PNPLA7: variants seen among roughly 807,000 people sequenced by gnomAD.
The protein encoded by PNPLA7 is patatin-like phospholipase domain-containing protein 7.
In PNPLA7, 153 loss-of-function variants were observed where a neutral mutation model predicts 161.7. The observed-to-expected ratio is 0.95, with a 90% CI of 0.83 to 1.08. The LOEUF (loss-of-function observed/expected upper bound fraction) is 1.08, where lower values mean the gene tolerates loss of function less well. Among genes scored for constraint, PNPLA7 ranks in the 50% least tolerant of loss-of-function variants. The pLI, the probability that PNPLA7 is intolerant of heterozygous loss-of-function variation, is 0.00. For missense variants in PNPLA7, 1,739 were observed against 1,856.6 expected (o/e 0.94, Z 1.16); for synonymous variants, 809 against 782.1 (o/e 1.03, Z -0.57).
chr9:137,478,942 G>C, intron 24 of PNPLA7, 114 bp downstream of exon 24: 1 of 1,313,698 alleles, frequency 7.6e-7, no homozygotes, highest in Non-Finnish European at 1.0e-6. Context: ...AGCACAGGAA[G>C]GGCCCAGGAG....
At chr9:137,461,476 C>A in intron 33 of PNPLA7, 60 bp downstream of exon 33, 1 of 1,517,802 alleles carries the variant, frequency 6.6e-7, no homozygotes, top group Non-Finnish European at 9.0e-7. Flanking sequence ...GGGTTCAAGC[C>A]CAACACAGCA....
intron 12 of PNPLA7, among the ~76,000 whole-genome samples, chr9:137,510,035 C>T (rs1834133944): frequency 1.3e-5 from 2 of 152,126 alleles, no homozygotes; most frequent in South Asian, 2.1e-4. Flanking sequence ...GACAAGAGTG[C>T]GAGCCTTCTG....
chr9:137,480,293 C>A lies in PNPLA7; in HGVS notation c.2580+19G>T, dbSNP rs367778122. 7 of 1,607,088 alleles carry A rather than the reference C, an allele frequency of 4.4e-6. No individual in the cohort carries two copies. Among genetic ancestry groups the A allele is most frequent in the Non-Finnish European group, 5.9e-6 (7 of 1,178,284 alleles). On this transcript the variant is annotated intron_variant, in intron 23 of 34. Coordinates refer to ENST00000406427, the MANE Select transcript of PNPLA7 (RefSeq NM_001098537.3). ...AAGAGAGGGCTCTCCCCAGCTCCAC[C>A]GGCCCTCCCCGTGCTCACCTCGCCC...
chr9:137,498,049 C>A, intron 17 of PNPLA7, 65 bp downstream of exon 17: 2 of 1,575,228 alleles, frequency 1.3e-6, no homozygotes, highest in East Asian at 2.3e-5. Context: ...CCGTGCTTTG[C>A]CCATCCCCAG....
At chr9:137,482,896 G>T (rs950905318) in intron 21 of PNPLA7, among the ~76,000 whole-genome samples, 1 of 152,124 alleles carries the variant, frequency 6.6e-6, no homozygotes, top group South Asian at 2.1e-4. Flanking sequence ...GTTTTGACAC[G>T]GAGTCTTACT....
In PNPLA7 at chr9:137,500,840, G is replaced by C. The variant is rs563010262; in HGVS notation, c.1608C>G (p.Ile536Met). The change falls in exon 16 of 35, where the codon ATC (isoleucine) becomes ATG (methionine). Residue 536 changes from isoleucine to methionine, a missense_variant. Transcript: ENST00000406427. The surrounding 1 kb of genome is among the most constrained non-coding windows in gnomAD (Gnocchi z 5.5). ...SGLLHVYQRK[I>M]GSQEDTCLFL... ...ACAAGCAGGTGTCCTCCTGGCTGCC[G>C]ATCTTCCGCTGGTACACGTGCAGCA... 1 of 1,598,830 alleles carries C rather than the reference G, an allele frequency of 6.3e-7. No homozygotes were observed. The highest frequency in any genetic ancestry group is 8.5e-7 in the Non-Finnish European group (1 of 1,174,666).
At position 137,506,039 on chromosome 9, in the gene PNPLA7, G is replaced by A. The variant is rs375690090; in HGVS notation, c.1270C>T (p.Arg424Cys). The A allele has an allele frequency of 1.9e-5, 31 of 1,612,934 alleles. No homozygotes were observed. Among genetic ancestry groups the A allele is most frequent in the Middle Eastern group, 1.6e-4 (1 of 6,080 alleles). ...TCCGAGTGCAGGAAGACCCTGGCAC[G>A]GTCACATGCCATCCCCAGATCAGAA... ...ATSDLGMACD[R>C]ARVFLHSDEH... The change falls in exon 13 of 35, where the codon CGT becomes TGT. Residue 424 changes from arginine to cysteine, a missense_variant. This residue lies in a region of PNPLA7 where 481 missense variants were observed against 450.0 expected (regional missense o/e 1.07). Transcript: ENST00000406427.
rs569483340 is a variant in PNPLA7 at position 137,503,957 on chromosome 9, A to G, written c.1473+1657T>C. 2.3e-3 allele frequency among the ~76,000 whole-genome samples: 217 copies of G among 92,394 alleles called. 1 individual carries two copies. The highest frequency in any genetic ancestry group is 0.022 in the South Asian group (59 of 2,684). 60.6% of individuals were successfully genotyped at this position (92,394 alleles called of 152,430 possible). ...GAAGAAGAAGGAAGAATGAAGAAGA[A>G]GGAAGAAGGAAGAAGAAGAAGGAAG... On this transcript the variant is annotated intron_variant, in intron 14 of 34. Transcript: ENST00000406427.
chr9:137,461,678 C>A (rs959521877), intron 32 of PNPLA7, 58 bp from the exon 33 acceptor site: 14 of 1,502,856 alleles, frequency 9.3e-6, no homozygotes, highest in Non-Finnish European at 1.2e-5. Flanking sequence ...CAGTCCCCAG[C>A]CTGCTTCCTG....
chr9:137,493,981 G>C (rs1424261773), intron 19 of PNPLA7, among the ~76,000 whole-genome samples: 2 of 152,232 alleles, frequency 1.3e-5, no homozygotes, highest in African/African-American at 4.8e-5. Context: ...AGAGCTTTGA[G>C]TGGGAGAAGC....
chr9:137,494,969 G>T, intron 19 of PNPLA7, 64 bp downstream of exon 19: 1 of 1,438,458 alleles, frequency 7.0e-7, no homozygotes, highest in Non-Finnish European at 9.6e-7. Context: ...GCCCTCACCT[G>T]TTCCATGCCC....
rs1179814291 is a variant in PNPLA7, at chr9:137,523,839, C to A, written c.748-982G>T. Among the ~76,000 whole-genome samples, 1 of 152,012 alleles carries A rather than the reference C, an allele frequency of 6.6e-6. No homozygotes were observed. The highest frequency in any genetic ancestry group is 1.5e-5 in the Non-Finnish European group (1 of 67,996). On this transcript the variant is annotated intron_variant, in intron 8 of 34. Transcript: ENST00000406427. This position sits in a 1 kb window ranked among gnomAD's most constrained non-coding sequence, Gnocchi z 4.4. ...TAGAGACAGGGTTTCACTGTGTTAG[C>A]CAGGAGGGTCTCGATCTCCTGACCT...
chr9:137,532,827 G>C (rs188496177), intron 8 of PNPLA7, among the ~76,000 whole-genome samples: 142 of 152,306 alleles, frequency 9.3e-4, no homozygotes, highest in African/African-American at 2.8e-3. Flanking sequence ...CTCTGGAGAA[G>C]GTGAAGCAAG....
chr9:137,529,656 G>GTTTTTTT (rs542511786), intron 8 of PNPLA7, among the ~76,000 whole-genome samples: 1 of 119,134 alleles, frequency 8.4e-6, no homozygotes, highest in Non-Finnish European at 1.7e-5. Flanking sequence ...TTGAATCTTT[G>GTTTTTTT]TTTTTTTTTT....
rs1383111772 is a variant in PNPLA7 at position 137,462,199 on chromosome 9, C to T, written c.3625G>A (p.Gly1209Ser). 6 of 1,571,602 alleles carry T rather than the reference C, an allele frequency of 3.8e-6. No homozygotes were observed. Among genetic ancestry groups the T allele is most frequent in the East Asian group, 2.3e-5 (1 of 44,224 alleles). ...CTCACGCAGATCTCGTTGAACTTGC[C>T]GAAGTCCAGGGTGCTGTAGCTGTCG... is the stretch of plus-strand genomic sequence containing the variant. ...PIDSYSTLDFGKFNEICEVGY... is the reference protein window; with the variant it reads ...PIDSYSTLDFSKFNEICEVGY... Residue 1209 changes from glycine to serine, a missense_variant, in exon 31 of 35, where the codon GGC becomes AGC. By Grantham distance (56) the Gly-to-Ser change is moderately conservative (BLOSUM62 0). Coordinates refer to ENST00000406427, the MANE Select transcript of PNPLA7 (RefSeq NM_001098537.3).
Position 137,476,271 on chromosome 9 carries a change from A to G in PNPLA7, c.2882+1763T>C, listed in dbSNP as rs1831941044. 6.6e-6 allele frequency among the ~76,000 whole-genome samples: 1 copy of G among 152,172 alleles called. No individual in the cohort carries two copies. Among genetic ancestry groups the G allele is most frequent in the South Asian group, 2.1e-4 (1 of 4,826 alleles). ...CCCAGAAAACTGAACAAATGTGACAATTATTAACTCCAAGGAAGGAACTTC... is the reference window on the plus strand; with the variant it reads ...CCCAGAAAACTGAACAAATGTGACAGTTATTAACTCCAAGGAAGGAACTTC... On this transcript the variant is annotated intron_variant, in intron 25 of 34. Transcript: ENST00000406427. This position sits in a 1 kb window ranked among gnomAD's most constrained non-coding sequence, Gnocchi z 4.5.
chr9:137,480,105 G>A (rs745773830), intron 23 of PNPLA7, among the ~76,000 whole-genome samples: 5 of 152,268 alleles, frequency 3.3e-5, no homozygotes, highest in Non-Finnish European at 5.9e-5. Context: ...AAGAGGCCAC[G>A]TGGGGCACCT....
intron 19 of PNPLA7, 146 bp from the exon 20 acceptor site, chr9:137,493,228 A>C: frequency 2.4e-6 from 2 of 817,862 alleles, no homozygotes; most frequent in Non-Finnish European, 2.0e-6. Context: ...GTTGCACATG[A>C]CTCACAAGCC....
Position 137,486,332 on chromosome 9 carries a change from G to A in PNPLA7, c.2198-1596C>T, listed in dbSNP as rs908121485. ...GCACACGGCGCCGTGGCAGCACTGC[G>A]GGTAAGAGCCTGTGAACGGGGAACA... On this transcript the variant is annotated intron_variant, in intron 20 of 34. Coordinates refer to ENST00000406427, the MANE Select transcript of PNPLA7 (RefSeq NM_001098537.3). This position sits in a 1 kb window ranked among gnomAD's most constrained non-coding sequence, Gnocchi z 6.0. 5.9e-5 allele frequency among the ~76,000 whole-genome samples: 9 copies of A among 152,170 alleles called. No individual in the cohort carries two copies. The highest frequency in any genetic ancestry group is 1.7e-4 in the African/African-American group (7 of 41,420).
Sources: gnomAD v4.1 joint callset for allele counts (sites outside exome capture counted in the v4.1 genomes callset) on GRCh38, gnomAD v4.1.1 for gene constraint, gnomAD v4.1.1 regional missense constraint, Gnocchi (gnomAD v3.1) non-coding constraint, MANE v1.5 for transcripts, NCBI Gene and HGNC (gene_info 2026-07-23, HGNC 2026-07-21) for gene names.